SERPINB9: variants seen among roughly 807,000 people sequenced by gnomAD.
SERPINB9 encodes serpin B9.
Under a neutral mutation model 27.2 loss-of-function variants are expected in SERPINB9, and 20 were observed. That is an observed-to-expected ratio of 0.74 (90% CI 0.52 to 1.07). The LOEUF (loss-of-function observed/expected upper bound fraction) is 1.07. Among genes scored for constraint, SERPINB9 ranks in the 50% least tolerant of loss-of-function variants. The pLI, the probability that SERPINB9 is intolerant of heterozygous loss-of-function variation, is 0.00. For synonymous variants in SERPINB9, 189 were observed against 180.0 expected (o/e 1.05, Z -0.40); for missense variants, 476 against 460.1 (o/e 1.03, Z -0.32).
Position 2,890,641 on chromosome 6 carries a change from T to A in SERPINB9, c.724-71A>T, listed in dbSNP as rs541134444. The stretch of plus-strand genomic sequence containing the variant: ...TGTACAAGCGCACAGGCACTCACAG[T>A]TCCCTTCCTCCCCTTGCACGTAGGT... On this transcript the variant is annotated intron_variant, in intron 6 of 6. Coordinates refer to ENST00000380698, the MANE Select transcript of SERPINB9 (RefSeq NM_004155.6). The surrounding 1 kb of genome is among the most constrained non-coding windows in gnomAD (Gnocchi z 6.2). 17 of 1,415,446 alleles carry A rather than the reference T, an allele frequency of 1.2e-5. No individual in the cohort carries two copies. In the East Asian group the frequency reaches 2.1e-4, roughly 17 times the overall value. 87.7% of individuals were successfully genotyped at this position (1,415,446 alleles called of 1,614,324 possible).
chr6:2,892,307 A>C lies in SERPINB9; in HGVS notation c.568-319T>G, dbSNP rs147894203. Among the ~76,000 whole-genome samples, 9 of 152,190 alleles carry C rather than the reference A, an allele frequency of 5.9e-5. No homozygotes were observed. In the East Asian group the frequency reaches 1.7e-3, roughly 29 times the overall value. Reference sequence around the variant, plus strand: ...TAAGAAAGCAATATAATCAAATGAAATTAAATACAAATTTGTTTTGATTTA... The same window carrying C: ...TAAGAAAGCAATATAATCAAATGAACTTAAATACAAATTTGTTTTGATTTA... On this transcript the variant is annotated intron_variant, in intron 5 of 6. Transcript: ENST00000380698.
chr6:2,893,300 AGTTTCAAATTCCTTTTG>A, intron 5 of SERPINB9, 94 bp downstream of exon 5: 1 of 1,045,042 alleles, frequency 9.6e-7, no homozygotes. Flanking sequence ...AAATACTTTA[AGTTTCAAATTCCTTTTG>A]GCTTACGCTT....
rs932159574 is a variant in SERPINB9 at position 2,891,931 on chromosome 6, C to T, written c.625G>A (p.Val209Met). 1 of 1,613,478 alleles carries T rather than the reference C, an allele frequency of 6.2e-7. No individual in the cohort carries two copies. The highest frequency in any genetic ancestry group is 8.5e-7 in the Non-Finnish European group (1 of 1,179,934). The change falls in exon 6 of 7, where the codon GTG (valine) becomes ATG (methionine). Residue 209 changes from valine to methionine, a missense_variant. By Grantham distance (21) the Val-to-Met change is conservative. Coordinates refer to ENST00000380698, the MANE Select transcript of SERPINB9 (RefSeq NM_004155.6). This position sits in a 1 kb window ranked among gnomAD's most constrained non-coding sequence, Gnocchi z 4.0. Reference protein sequence around the residue: ...YQEATFKLAHVGEVRAQLLEL... With the variant: ...YQEATFKLAHMGEVRAQLLEL... The stretch of plus-strand genomic sequence containing the variant: ...AGCAGCTGCGCGCGCACCTCGCCCA[C>T]GTGGGCGAGCTTAAACGTGGCCTCC...
Position 2,894,938 on chromosome 6 carries a change from G to GT in SERPINB9, c.424+452_424+453insA, listed in dbSNP as rs1488366353. Among the ~76,000 whole-genome samples the GT allele has an allele frequency of 9.3e-6, 1 of 107,046 alleles. No homozygotes were observed. Among genetic ancestry groups the GT allele is most frequent in the African/African-American group, 3.9e-5 (1 of 25,588 alleles). 70.2% of individuals were successfully genotyped at this position (107,046 alleles called of 152,430 possible). A position where few individuals can be genotyped will look rare whatever the true frequency, so the allele number is the denominator to read the frequency against. ...TTTTGTATTTTTAGTAGAGATGTTG[G>GT]GCGGGGGGGGGTCCCACCATGTTGG... On this transcript the variant is annotated intron_variant, in intron 4 of 6. Coordinates refer to ENST00000380698, the MANE Select transcript of SERPINB9 (RefSeq NM_004155.6). This position sits in a 1 kb window ranked among gnomAD's most constrained non-coding sequence, Gnocchi z 4.7.
In SERPINB9 at chr6:2,900,576, G is replaced by A. The variant is rs372134089; in HGVS notation, c.36C>T (p.Ala12=). 1.7e-5 allele frequency: 27 copies of A among 1,613,914 alleles called. No homozygotes were observed. In the African/African-American group the frequency reaches 3.2e-4, roughly 19 times the overall value. Residue 12 remains alanine, a synonymous_variant, in exon 2 of 7, where the codon GCC becomes GCT. Transcript: ENST00000380698. ...GACACAGTATCTTTAAAAGGCGTAT[G>A]GCAAAAGTACCACTTGCATTAGAAA... ...ETLSNASGTF[A]IRLLKILCQD...
Position 2,900,574 on chromosome 6 carries a change from A to G in SERPINB9, c.38T>C (p.Ile13Thr), listed in dbSNP as rs111236932. Residue 13 changes from isoleucine to threonine, a missense_variant, in exon 2 of 7, where the codon ATA becomes ACA. Coordinates refer to ENST00000380698, the MANE Select transcript of SERPINB9 (RefSeq NM_004155.6). The stretch of plus-strand genomic sequence containing the variant: ...TTGACACAGTATCTTTAAAAGGCGT[A>G]TGGCAAAAGTACCACTTGCATTAGA... ...TLSNASGTFA[I>T]RLLKILCQDN... 46 of 1,614,142 alleles carry G rather than the reference A, an allele frequency of 2.8e-5. 1 individual carries two copies. The African/African-American group carries it at 4.1e-4, about 15-fold the overall frequency.
chr6:2,901,212 CCA>C (rs775507312), intron 1 of SERPINB9, among the ~76,000 whole-genome samples: 13 of 152,174 alleles, frequency 8.5e-5, no homozygotes, highest in Admixed American at 1.3e-4. Flanking sequence ...CAGGCTGCTC[CCA>C]GTCAGCCAGC....
chr6:2,901,520 A>C (rs1480889008), intron 1 of SERPINB9, among the ~76,000 whole-genome samples: 1 of 152,210 alleles, frequency 6.6e-6, no homozygotes, highest in African/African-American at 2.4e-5. Context: ...GTGAGGAGTA[A>C]AACAGGCGAG....
intron 4 of SERPINB9, among the ~76,000 whole-genome samples, chr6:2,895,184 C>A (rs938525039): frequency 9.8e-5 from 15 of 152,292 alleles, no homozygotes; most frequent in African/African-American, 3.1e-4. Flanking sequence ...TGCCAGGAGG[C>A]CCTGCCAGTC....
intron 2 of SERPINB9, among the ~76,000 whole-genome samples, chr6:2,897,047 G>A (rs1295515003): frequency 6.7e-6 from 1 of 150,166 alleles, no homozygotes; most frequent in Admixed American, 6.7e-5. Flanking sequence ...GATTGCTGGA[G>A]CCCAGGACTT....
Position 2,900,541 on chromosome 6 carries a change from G to A in SERPINB9, c.71C>T (p.Pro24Leu). ...AGGAGAACAGAACACGTTGTGCGAA[G>A]GGTTATCTTGACACAGTATCTTTAA... The part of the protein sequence containing the change: ...RLLKILCQDN[P>L]SHNVFCSPVS... Residue 24 changes from proline (P) to leucine (L), a missense_variant, in exon 2 of 7, where the codon CCT (proline) becomes CTT (leucine). By Grantham distance (98) the Pro-to-Leu change is moderately conservative (BLOSUM62 -3). Transcript: ENST00000380698. The A allele has an allele frequency of 6.2e-7, 1 of 1,614,096 alleles. No homozygotes were observed. Among genetic ancestry groups the A allele is most frequent in the Non-Finnish European group, 8.5e-7 (1 of 1,180,012 alleles).
intron 2 of SERPINB9, among the ~76,000 whole-genome samples, chr6:2,898,062 C>A (rs1768060395): frequency 6.6e-6 from 1 of 151,682 alleles, no homozygotes; most frequent in African/African-American, 2.4e-5. Flanking sequence ...GGTGACAGAG[C>A]AGAGACTCTA....
At position 2,887,486 on chromosome 6, in the gene SERPINB9, A is replaced by G. The variant is rs1767637454; in HGVS notation, c.*2677T>C. 6.6e-6 allele frequency: 1 copy of G among 152,236 alleles called. No homozygotes were observed. The highest frequency in any genetic ancestry group is 2.4e-5 in the African/African-American group (1 of 41,460). 9.4% of individuals were successfully genotyped at this position (152,236 alleles called of 1,614,324 possible). A position where few individuals can be genotyped will look rare whatever the true frequency, so the allele number is the denominator to read the frequency against. On this transcript the variant is annotated 3_prime_UTR_variant, in exon 7 of 7. Transcript: ENST00000380698. The stretch of plus-strand genomic sequence containing the variant: ...TGCATAGAACACTTTCACCACTAAT[A>G]AAAGAAATGCAATAAGTATCTGCAT...
In SERPINB9 at chr6:2,896,117, C is replaced by T. The variant is rs1187585704; in HGVS notation, c.242G>A (p.Gly81Asp). 1.2e-6 allele frequency: 2 copies of T among 1,614,068 alleles called. No individual in the cohort carries two copies. The highest frequency in any genetic ancestry group is 1.1e-5 in the South Asian group (1 of 91,074). ...QSLLTEVNKA[G>D]TQYLLRTANR... Reference sequence around the variant, plus strand: ...GGCCGTTCTCAGCAGGTACTGTGTGCCAGCCTTGTTCACTTCAGTGAGAAG... The same window carrying T: ...GGCCGTTCTCAGCAGGTACTGTGTGTCAGCCTTGTTCACTTCAGTGAGAAG... Residue 81 changes from glycine to aspartate, a missense_variant, in exon 3 of 7, where the codon GGC becomes GAC. Gly to Asp is a moderately conservative substitution (Grantham distance 94). Transcript: ENST00000380698.
intron 1 of SERPINB9, among the ~76,000 whole-genome samples, chr6:2,901,226 T>C (rs1323145013): frequency 2.0e-5 from 3 of 152,202 alleles, no homozygotes; most frequent in Non-Finnish European, 4.4e-5. Context: ...TCAGCCAGCC[T>C]GCCCCAGGCC....
intron 5 of SERPINB9, among the ~76,000 whole-genome samples, chr6:2,892,855 G>T (rs1352905300): frequency 1.3e-5 from 2 of 151,888 alleles, no homozygotes; most frequent in Non-Finnish European, 2.9e-5. Flanking sequence ...TTACTTCAAT[G>T]TCAAAACTAA....
At chr6:2,895,325 AG>A in intron 4 of SERPINB9, 65 bp downstream of exon 4, 2 of 1,001,894 alleles carry the variant, frequency 2.0e-6, no homozygotes, top group Non-Finnish European at 3.1e-6. Context: ...GGCGGGAAGG[AG>A]GAATAGGAAG....
In SERPINB9 at chr6:2,903,024, C is replaced by G. The variant is rs1425847344; in HGVS notation, c.-11+177G>C. Among the ~76,000 whole-genome samples the G allele has an allele frequency of 1.3e-5, 2 of 152,190 alleles. No individual in the cohort carries two copies. Among genetic ancestry groups the G allele is most frequent in the African/African-American group, 2.4e-5 (1 of 41,446 alleles). On this transcript the variant is annotated intron_variant, in intron 1 of 6. Coordinates refer to ENST00000380698, the MANE Select transcript of SERPINB9 (RefSeq NM_004155.6). This position sits in a 1 kb window ranked among gnomAD's most constrained non-coding sequence, Gnocchi z 5.2. ...GGCCGCCAAGGCGGAGACCGGCTGC[C>G]GCTCCCAGGCACCCCCCAGAGACCG...
At chr6:2,902,518 GTTT>G (rs1341291662) in intron 1 of SERPINB9, among the ~76,000 whole-genome samples, 1 of 152,100 alleles carries the variant, frequency 6.6e-6, no homozygotes, top group Admixed American at 6.5e-5. Flanking sequence ...GTTTTTTTGT[GTTT>G]TTCTTTTTTT....
Sources: gnomAD v4.1 joint callset for allele counts (sites outside exome capture counted in the v4.1 genomes callset) on GRCh38, gnomAD v4.1.1 for gene constraint, Gnocchi (gnomAD v3.1) non-coding constraint, MANE v1.5 for transcripts, NCBI Gene and HGNC (gene_info 2026-07-23, HGNC 2026-07-21) for gene names.